COL4A3: variants seen among roughly 807,000 people sequenced by gnomAD.
COL4A3 encodes the protein collagen type IV alpha 3 chain.
In COL4A3, 135 loss-of-function variants were observed where a neutral mutation model predicts 217.4. The observed-to-expected ratio is 0.62, with a 90% CI of 0.54 to 0.72. COL4A3 has a LOEUF of 0.72. Among genes scored for constraint, COL4A3 ranks in the 30% least tolerant of loss-of-function variants. COL4A3 has a pLI of 0.00. For synonymous variants in COL4A3, 690 were observed against 736.3 expected (o/e 0.94, Z 1.02); for missense variants, 1,868 against 2,119.9 (o/e 0.88, Z 2.33).
In COL4A3 at chr2:227,312,351, T is replaced by C. The variant is rs1466697450; in HGVS notation, c.*481T>C. 1 of 188,642 alleles carries C rather than the reference T, an allele frequency of 5.3e-6. No individual in the cohort carries two copies. Among genetic ancestry groups the C allele is most frequent in the South Asian group, 1.1e-4 (1 of 9,438 alleles). The allele number at this position is 188,642 out of a possible 1,614,324, so 11.7% of individuals were successfully genotyped here. A position where few individuals can be genotyped will look rare whatever the true frequency, so the allele number is the denominator to read the frequency against. On this transcript the variant is annotated 3_prime_UTR_variant, in exon 52 of 52. Coordinates refer to ENST00000396578, the MANE Select transcript of COL4A3 (RefSeq NM_000091.5). ...ATGTGGTATCCTGGAGCATTGTGTA[T>C]AGAACTGGATTTTCAGACCTGCTGA...
chr2:227,231,827 T>C (rs1023591297), intron 1 of COL4A3, among the ~76,000 whole-genome samples: 12 of 150,170 alleles, frequency 8.0e-5, no homozygotes, highest in African/African-American at 2.9e-4. Flanking sequence ...CCCTCGTGCC[T>C]GGCTGCATTC....
At chr2:227,247,867 G>A (rs780447123) in intron 8 of COL4A3, among the ~76,000 whole-genome samples, 17 of 152,020 alleles carry the variant, frequency 1.1e-4, no homozygotes, top group Non-Finnish European at 2.2e-4. Flanking sequence ...CCACATTCTA[G>A]GGCAGGGATT....
At chr2:227,178,190 CTGGGTAATACAA>C (rs1341486537) in intron 1 of COL4A3, among the ~76,000 whole-genome samples, 1 of 152,010 alleles carries the variant, frequency 6.6e-6, no homozygotes, top group Non-Finnish European at 1.5e-5. Flanking sequence ...CAAGATCAGC[CTGGGTAATACAA>C]TGTGACCTCT....
intron 34 of COL4A3, among the ~76,000 whole-genome samples, chr2:227,288,097 A>G (rs935403407): frequency 6.7e-6 from 1 of 150,120 alleles, no homozygotes. Context: ...TTCAGTGACT[A>G]TTTATTTATT....
At position 227,295,303 on chromosome 2, in the gene COL4A3, C is replaced by T. The variant is rs374145134; in HGVS notation, c.3552C>T (p.Asn1184=). The change falls in exon 41 of 52, where the codon AAC becomes AAT. Residue 1184 remains asparagine (N), a synonymous_variant. Coordinates refer to ENST00000396578, the MANE Select transcript of COL4A3 (RefSeq NM_000091.5). ...GGGCCCCTCCAGGCCCAAGAGGGAA[C>T]CCTGGTGCTCAAGGTAAGCAGTTCT... is the stretch of plus-strand genomic sequence containing the variant. ...LLRAPPGPRG[N]PGAQGAKGDR... 6.2e-7 allele frequency: 1 copy of T among 1,614,056 alleles called. No homozygotes were observed. Among genetic ancestry groups the T allele is most frequent in the Non-Finnish European group, 8.5e-7 (1 of 1,179,944 alleles).
intron 1 of COL4A3, among the ~76,000 whole-genome samples, chr2:227,222,150 T>G (rs566010252): frequency 5.9e-4 from 53 of 90,178 alleles, no homozygotes; most frequent in African/African-American, 1.8e-3. Context: ...ATAATAATAA[T>G]AATAATAATA....
In COL4A3 at chr2:227,294,936, G is replaced by T. The variant is rs764286642; in HGVS notation, c.3419-28G>T. On this transcript the variant is annotated intron_variant, in intron 39 of 51. Coordinates refer to ENST00000396578, the MANE Select transcript of COL4A3 (RefSeq NM_000091.5). ...CTCTTTTTGTATACCATAGTTTGGG[G>T]TTTTTGGGTTTTTTTTTTTTTTTTC... 1.8e-5 allele frequency: 27 copies of T among 1,463,720 alleles called. 1 individual carries two copies. The South Asian group carries it at 3.0e-4, about 16-fold the overall frequency. 90.7% of individuals were successfully genotyped at this position (1,463,720 alleles called of 1,614,324 possible).
At chr2:227,280,702 C>T (rs1245238360) in intron 30 of COL4A3, 112 bp downstream of exon 30, 8 of 1,306,966 alleles carry the variant, frequency 6.1e-6, no homozygotes, top group Non-Finnish European at 8.9e-6. Flanking sequence ...ATGTTCCTGC[C>T]CTACCTTTCT....
chr2:227,250,340 ATAG>A lies in COL4A3; in HGVS notation c.547-799_547-797del. On this transcript the variant is annotated intron_variant, in intron 9 of 51. Transcript: ENST00000396578. The surrounding 1 kb of genome is among the most constrained non-coding windows in gnomAD (Gnocchi z 4.1). ...AAAATAGGTAGATAGATAAAAGATG[ATAG>A]ATAGATAGATAGATAGATAGATAGA... Among the ~76,000 whole-genome samples, 1 of 11,520 alleles carries A rather than the reference ATAG, an allele frequency of 8.7e-5. No homozygotes were observed. The highest frequency in any genetic ancestry group is 2.7e-3 in the East Asian group (1 of 370). The allele number at this position is 11,520 out of a possible 152,430, so 7.6% of individuals were successfully genotyped here.
chr2:227,277,120 C>T (rs563604400), intron 27 of COL4A3, among the ~76,000 whole-genome samples: 1 of 152,008 alleles, frequency 6.6e-6, no homozygotes, highest in Admixed American at 6.6e-5. Context: ...GAGTTCGAGA[C>T]CAGTCTGGCT....
At chr2:227,181,160 G>C (rs1371264651) in intron 1 of COL4A3, among the ~76,000 whole-genome samples, 1 of 152,088 alleles carries the variant, frequency 6.6e-6, no homozygotes, top group East Asian at 1.9e-4. Context: ...AGATATTTCT[G>C]GGTAACATTT....
At chr2:227,219,670 CAT>C (rs2067680798) in intron 1 of COL4A3, among the ~76,000 whole-genome samples, 2 of 152,318 alleles carry the variant, frequency 1.3e-5, no homozygotes, top group African/African-American at 4.8e-5. Flanking sequence ...CTTATCTCCC[CAT>C]AGTCTGTTTT....
intron 1 of COL4A3, among the ~76,000 whole-genome samples, chr2:227,172,581 CTTTTTTTTTTT>C (rs11315628): frequency 1.4e-5 from 1 of 73,596 alleles, no homozygotes; most frequent in Non-Finnish European, 2.4e-5. Context: ...TCGTCTTCTT[CTTTTTTTTTTT>C]TTTTTTTTTT....
In COL4A3 at chr2:227,303,941, G is replaced by T. The variant is rs191002419; in HGVS notation, c.4027+11G>T. ...CAAAAGGACCACCTGGTAAATAAAC[G>T]TCCTTACTATTGCTGTCAATGAAGA... On this transcript the variant is annotated intron_variant, in intron 45 of 51. Transcript: ENST00000396578. The T allele has an allele frequency of 3.0e-5, 48 of 1,614,192 alleles. No homozygotes were observed. The East Asian group carries it at 1.0e-3, about 35-fold the overall frequency.
At chr2:227,296,394 G>A (rs2073029463) in intron 41 of COL4A3, 2 of 415,826 alleles carry the variant, frequency 4.8e-6, no homozygotes, top group South Asian at 1.0e-4. Flanking sequence ...ATAAAATTTG[G>A]TATAAAACGG....
chr2:227,236,966 A>G (rs1207649366), intron 1 of COL4A3, among the ~76,000 whole-genome samples: 1 of 152,178 alleles, frequency 6.6e-6, no homozygotes, highest in Admixed American at 6.5e-5. Context: ...CAGCCAAAAC[A>G]CATTTTAAGT....
At chr2:227,300,117 C>T (rs1266488009) in intron 43 of COL4A3, among the ~76,000 whole-genome samples, 2 of 152,142 alleles carry the variant, frequency 1.3e-5, no homozygotes, top group Non-Finnish European at 2.9e-5. Context: ...TAGTTTCAAT[C>T]GCCCTAAAAA....
chr2:227,185,393 G>A (rs1187534012), intron 1 of COL4A3, among the ~76,000 whole-genome samples: 1 of 152,116 alleles, frequency 6.6e-6, no homozygotes, highest in African/African-American at 2.4e-5. Context: ...TAGACAACAT[G>A]CCAAGATCAG....
In COL4A3 at chr2:227,289,051, A is replaced by G. The variant is rs572034448; in HGVS notation, c.2882-99A>G. On this transcript the variant is annotated intron_variant, in intron 34 of 51. Transcript: ENST00000396578. ...CTTCAACCTCTGTCTCCCAGGTTCA[A>G]GTGATTTTCCTGCCTCAGCCTCCCA... 119 of 855,540 alleles carry G rather than the reference A, an allele frequency of 1.4e-4. No individual in the cohort carries two copies. In the African/African-American group the frequency reaches 1.9e-3, roughly 13 times the overall value. The allele number at this position is 855,540 out of a possible 1,614,324, so 53.0% of individuals were successfully genotyped here. A position where few individuals can be genotyped will look rare whatever the true frequency, so the allele number is the denominator to read the frequency against.
Sources: allele counts gnomAD v4.1 joint callset (sites outside exome capture counted in the v4.1 genomes callset), GRCh38; gene constraint gnomAD v4.1.1; non-coding constraint Gnocchi (gnomAD v3.1); transcripts MANE v1.5; gene names NCBI Gene and HGNC (gene_info 2026-07-23, HGNC 2026-07-21).